ANK2: variants seen among roughly 807,000 people sequenced by gnomAD.
ANK2 encodes ankyrin 2.
In ANK2, 83 loss-of-function variants were observed where a neutral mutation model predicts 360.5. The observed-to-expected ratio is 0.23, with a 90% CI of 0.19 to 0.28. ANK2 has a LOEUF of 0.28. ANK2 is among the 10% of genes least tolerant of loss of function. The pLI is 1.00. For missense variants in ANK2, 4,201 were observed against 4,795.7 expected, an observed-to-expected ratio of 0.88 and a Z score of 3.66; for synonymous variants, 1,740 against 1,759.5, an observed-to-expected ratio of 0.99 and a Z score of 0.28.
intron 22 of ANK2, among the ~76,000 whole-genome samples, chr4:113,302,029 A>G (rs2075269819): frequency 6.6e-6 from 1 of 152,300 alleles, no homozygotes; most frequent in South Asian, 2.1e-4. Context: ...GTACTTTTCT[A>G]TCCTTTACTT....
intron 1 of ANK2, among the ~76,000 whole-genome samples, chr4:113,103,376 C>T (rs2093192623): frequency 6.6e-6 from 1 of 152,036 alleles, no homozygotes; most frequent in South Asian, 2.1e-4. Context: ...CAGAAATTGA[C>T]TGGGTTTGAT....
intron 45 of ANK2, among the ~76,000 whole-genome samples, chr4:113,377,095 G>A (rs1589416785): frequency 1.3e-5 from 2 of 152,050 alleles, no homozygotes; most frequent in Admixed American, 1.3e-4. Flanking sequence ...TATAATACTT[G>A]ATAATGATAA....
At chr4:112,706,231 G>C in the ANK2 span, among the ~76,000 whole-genome samples, 2 of 152,112 alleles carry the variant, frequency 1.3e-5, no homozygotes, top group Non-Finnish European at 2.9e-5. Flanking sequence ...GGTGCACAAA[G>C]TGCGGGAGGG....
intron 1 of ANK2, among the ~76,000 whole-genome samples, chr4:113,089,834 T>A (rs623665): frequency 0.022 from 2,712 of 124,560 alleles, 74 homozygotes; most frequent in African/African-American, 0.084. Flanking sequence ...CAGAAAAAAT[T>A]AAAATAAAAA....
At chr4:112,946,180 G>A (rs1581665536) in intron 2 of ANK2, among the ~76,000 whole-genome samples, 1 of 152,178 alleles carries the variant, frequency 6.6e-6, no homozygotes, top group South Asian at 2.1e-4. Flanking sequence ...AGAGGGGCTT[G>A]TTGAGCGGGA....
intron 2 of ANK2, among the ~76,000 whole-genome samples, chr4:112,919,756 C>T (rs1488256334): frequency 1.3e-5 from 2 of 151,992 alleles, no homozygotes; most frequent in Non-Finnish European, 2.9e-5. Context: ...AAAGTGTTGC[C>T]AAACTAATGT....
At chr4:112,770,968 CAG>C in the ANK2 span, among the ~76,000 whole-genome samples, 1 of 152,186 alleles carries the variant, frequency 6.6e-6, no homozygotes, top group Admixed American at 6.5e-5. Flanking sequence ...GTGTGAAGAA[CAG>C]GGGATTCTGC....
At chr4:112,904,379 AAATATGG>A in intron 1 of ANK2, 1 of 873,636 alleles carries the variant, frequency 1.1e-6, no homozygotes, top group South Asian at 2.0e-5. Context: ...TTTTGATTTG[AAATATGG>A]AAACTGTTCT....
intron 2 of ANK2, among the ~76,000 whole-genome samples, chr4:113,020,260 C>T (rs1356288553): frequency 6.6e-6 from 1 of 152,126 alleles, no homozygotes. Context: ...AATCACAGCT[C>T]GCTGCAGGCT....
At chr4:113,135,495 GC>G (rs1490408571) in intron 1 of ANK2, among the ~76,000 whole-genome samples, 1 of 149,962 alleles carries the variant, frequency 6.7e-6, no homozygotes, top group Non-Finnish European at 1.5e-5. Context: ...GCAAATGATG[GC>G]CAAACCATAG....
At chr4:112,996,571 A>C (rs535171337) in intron 2 of ANK2, among the ~76,000 whole-genome samples, 64 of 152,148 alleles carry the variant, frequency 4.2e-4, no homozygotes, top group African/African-American at 1.5e-3. Flanking sequence ...AATTCACATA[A>C]ATTTTATTTA....
intron 4 of ANK2, among the ~76,000 whole-genome samples, chr4:113,203,426 T>C (rs1238741872): frequency 7.2e-6 from 1 of 138,072 alleles, no homozygotes; most frequent in Non-Finnish European, 1.6e-5. Flanking sequence ...TATTTGCCTA[T>C]CTCTGATTGC....
chr4:112,800,330 T>G, the ANK2 span, among the ~76,000 whole-genome samples: 92,036 of 152,010 alleles, frequency 0.61, 29,254 homozygotes, highest in East Asian at 0.93. Flanking sequence ...TAGTTTTGCC[T>G]ATATGCATTT....
intron 2 of ANK2, among the ~76,000 whole-genome samples, chr4:112,981,501 A>G (rs2043109685): frequency 6.6e-6 from 1 of 152,226 alleles, no homozygotes; most frequent in Non-Finnish European, 1.5e-5. Context: ...AGGTGGAACC[A>G]TGGGATTTAG....
rs1445031299 is a variant in ANK2, at chr4:113,210,809, G to C, written c.384+11700G>C. On this transcript the variant is annotated intron_variant, in intron 4 of 45. Transcript: ENST00000357077. ...TTGTTAGCTTCATGAGCATGGGAAG[G>C]CTATTATACTACCTTTGTGGGAAGC... Among the ~76,000 whole-genome samples, 3 of 152,168 alleles carry C rather than the reference G, an allele frequency of 2.0e-5. No homozygotes were observed. The East Asian group carries it at 5.8e-4, about 29-fold the overall frequency.
In ANK2 at chr4:113,356,922, G is replaced by C. The variant is rs749554408; in HGVS notation, c.8304G>C (p.Gln2768His). 4 of 1,614,068 alleles carry C rather than the reference G, an allele frequency of 2.5e-6. No homozygotes were observed. In the South Asian group the frequency reaches 4.4e-5, roughly 18 times the overall value. ...ATAAGCTAAACAGAGACACTGATCA[G>C]CCAAAAATCTGTGATGGCCATGGAT... ...SYDKLNRDTD[Q>H]PKICDGHGCE... The change falls in exon 38 of 46, where the codon CAG becomes CAC. Residue 2768 changes from glutamine to histidine, a missense_variant. Gln to His is a conservative substitution (Grantham distance 24). This residue lies in a region of ANK2 where 2,642 missense variants were observed against 2,714.5 expected (regional missense o/e 0.97). Coordinates refer to ENST00000357077, the MANE Select transcript of ANK2 (RefSeq NM_001148.6).
intron 1 of ANK2, among the ~76,000 whole-genome samples, chr4:112,863,069 T>G (rs1426707345): frequency 1.3e-5 from 2 of 152,258 alleles, no homozygotes; most frequent in Non-Finnish European, 2.9e-5. Context: ...ATGCTTATGT[T>G]TCTGTGTAGA....
chr4:113,177,791 C>G (rs934810404), intron 2 of ANK2, among the ~76,000 whole-genome samples: 2 of 152,164 alleles, frequency 1.3e-5, no homozygotes, highest in Non-Finnish European at 2.9e-5. Flanking sequence ...GAAGCCCACA[C>G]AAAATTTAGA....
the ANK2 span, among the ~76,000 whole-genome samples, chr4:112,734,975 G>C: frequency 6.6e-6 from 1 of 151,926 alleles, no homozygotes; most frequent in African/African-American, 2.4e-5. Flanking sequence ...ATCATAATGT[G>C]ATCTTATCAA....
Sources: allele counts gnomAD v4.1 joint callset (sites outside exome capture counted in the v4.1 genomes callset), GRCh38; gene constraint gnomAD v4.1.1; regional missense constraint gnomAD v4.1.1; transcripts MANE v1.5; gene names NCBI Gene and HGNC (gene_info 2026-07-23, HGNC 2026-07-21).